The following MTMR14 variants were observed in gnomAD, a reference collection of about 807,000 sequenced individuals.
The protein encoded by MTMR14 is myotubularin related protein 14.
Under a neutral mutation model 86.3 loss-of-function variants are expected in MTMR14, and 48 were observed. The observed-to-expected ratio is 0.56, with a 90% CI of 0.44 to 0.71. The LOEUF (loss-of-function observed/expected upper bound fraction) is 0.71, where lower values mean the gene tolerates loss of function less well. Among genes scored for constraint, MTMR14 ranks in the 30% least tolerant of loss-of-function variants. The pLI is 0.00. For missense variants in MTMR14, 780 were observed against 834.6 expected (o/e 0.93, Z 0.81); for synonymous variants, 366 against 326.1 (o/e 1.12, Z -1.32).
At chr3:9,658,592 G>A (rs1010647440) in intron 2 of MTMR14, among the ~76,000 whole-genome samples, 1 of 152,260 alleles carries the variant, frequency 6.6e-6, no homozygotes, top group African/African-American at 2.4e-5. Flanking sequence ...CATGGGCCCA[G>A]TGGCTACCCA....
chr3:9,700,960 AG>A (rs1451672651), intron 18 of MTMR14: 2 of 152,184 alleles, frequency 1.3e-5, no homozygotes, highest in Non-Finnish European at 2.9e-5. Context: ...CTGGGATTAC[AG>A]GCATATGCCA....
chr3:9,659,578 G>A, intron 2 of MTMR14: 1 of 383,352 alleles, frequency 2.6e-6, no homozygotes, highest in Non-Finnish European at 5.2e-6. Flanking sequence ...CGAGTAGCTG[G>A]GATTAGAGGC....
intron 7 of MTMR14, 66 bp downstream of exon 7, chr3:9,672,824 C>T: frequency 1.4e-6 from 2 of 1,464,592 alleles, no homozygotes; most frequent in Non-Finnish European, 1.9e-6. Flanking sequence ...TGAGCAAGCC[C>T]TCTCTACTTA....
chr3:9,684,346 T>A (rs2075866160), intron 10 of MTMR14, among the ~76,000 whole-genome samples: 1 of 152,132 alleles, frequency 6.6e-6, no homozygotes, highest in African/African-American at 2.4e-5. Flanking sequence ...GGCTGCACTG[T>A]GTCCCCAGAA....
chr3:9,663,689 A>G (rs1299940620), intron 3 of MTMR14, among the ~76,000 whole-genome samples: 2 of 136,804 alleles, frequency 1.5e-5, no homozygotes, highest in Admixed American at 7.5e-5. Context: ...AATTTTTTGC[A>G]TTTTCAGTAG....
Position 9,687,879 on chromosome 3 carries a change from T to C in MTMR14, c.1223T>C (p.Leu408Pro). 2 of 1,588,552 alleles carry C rather than the reference T, an allele frequency of 1.3e-6. No individual in the cohort carries two copies. The highest frequency in any genetic ancestry group is 2.3e-5 in the South Asian group (2 of 87,954). ...KHITSEEFSALKTQRRKSLPA... is the reference protein window; with the variant it reads ...KHITSEEFSAPKTQRRKSLPA... ...ATTACCTCCGAGGAGTTCTCTGCTC[T>C]GAAGACCCAGAGGTAAGTGGAGGCC... The change falls in exon 14 of 19, where the codon CTG becomes CCG. Residue 408 changes from leucine (L) to proline (P), a missense_variant. Physicochemically the swap from Leu to Pro is moderately conservative, Grantham distance 98. Transcript: ENST00000296003.
intron 6 of MTMR14, among the ~76,000 whole-genome samples, chr3:9,671,664 T>C (rs1201692097): frequency 6.6e-6 from 1 of 151,522 alleles, no homozygotes; most frequent in Non-Finnish European, 1.5e-5. Context: ...AGAATTTCTT[T>C]TAAAATTGAA....
intron 9 of MTMR14, among the ~76,000 whole-genome samples, chr3:9,682,242 A>T (rs1263570499): frequency 6.6e-6 from 1 of 151,994 alleles, no homozygotes; most frequent in Non-Finnish European, 1.5e-5. Flanking sequence ...GTGGGTCAGA[A>T]CTCTCCAGGG....
chr3:9,677,210 TGGC>T lies in MTMR14; in HGVS notation c.752-103_752-101del. 2.1e-6 allele frequency: 2 copies of T among 945,712 alleles called. No homozygotes were observed. The highest frequency in any genetic ancestry group is 4.9e-5 in the East Asian group (2 of 41,098). The allele number at this position is 945,712 out of a possible 1,614,324, so 58.6% of individuals were successfully genotyped here. A position where few individuals can be genotyped will look rare whatever the true frequency, so the allele number is the denominator to read the frequency against. On this transcript the variant is annotated intron_variant, in intron 7 of 18. Transcript: ENST00000296003. This position sits in a 1 kb window ranked among gnomAD's most constrained non-coding sequence, Gnocchi z 4.2. ...GCCACTAGCTTGGAGAAGTGTGAGTTGGCGGCCCCCTCTCCACAGCACTCAGGG... is the reference window on the plus strand; with the variant it reads ...GCCACTAGCTTGGAGAAGTGTGAGTTGGCCCCCTCTCCACAGCACTCAGGG...
intron 3 of MTMR14, among the ~76,000 whole-genome samples, chr3:9,666,735 G>A (rs2125091152): frequency 6.6e-6 from 1 of 152,318 alleles, no homozygotes; most frequent in East Asian, 1.9e-4. Context: ...GCAGAGGTCA[G>A]AGGTTACTAA....
intron 3 of MTMR14, among the ~76,000 whole-genome samples, chr3:9,667,119 A>G (rs1028278169): frequency 8.5e-5 from 13 of 152,248 alleles, no homozygotes; most frequent in Admixed American, 8.5e-4. Context: ...CTCAACAGCC[A>G]AAAAGAAGGC....
At chr3:9,659,305 C>CAGA (rs1211472747) in intron 2 of MTMR14, among the ~76,000 whole-genome samples, 1 of 152,198 alleles carries the variant, frequency 6.6e-6, no homozygotes, top group Non-Finnish European at 1.5e-5. Context: ...AATGTAAATA[C>CAGA]AGAAGCCTAC....
Position 9,659,444 on chromosome 3 carries a change from CTT to C in MTMR14, c.309-2807_309-2806del, listed in dbSNP as rs546901318. Reference sequence around the variant, plus strand: ...TGAGAGAACAGAAACTGAATTGGTTCTTTTTTTTTTTTTTTTTAAGACGGAGT... The same window carrying C: ...TGAGAGAACAGAAACTGAATTGGTTCTTTTTTTTTTTTTTTAAGACGGAGT... On this transcript the variant is annotated intron_variant, in intron 2 of 18. Coordinates refer to ENST00000296003, the MANE Select transcript of MTMR14 (RefSeq NM_001077525.3). 3.3e-3 allele frequency among the ~76,000 whole-genome samples: 452 copies of C among 138,972 alleles called. 5 individuals are homozygous for C. In the East Asian group the frequency reaches 0.033, roughly 10 times the overall value. 91.2% of individuals were successfully genotyped at this position (138,972 alleles called of 152,430 possible).
At chr3:9,687,558 TA>T (rs756707748) in intron 13 of MTMR14, among the ~76,000 whole-genome samples, 359 of 132,988 alleles carry the variant, frequency 2.7e-3, no homozygotes, top group Admixed American at 2.5e-3. Context: ...CTGTCTCAAA[TA>T]AAAAAAAAAA....
chr3:9,664,338 T>A (rs540846285), intron 3 of MTMR14, among the ~76,000 whole-genome samples: 43 of 151,584 alleles, frequency 2.8e-4, no homozygotes, highest in Admixed American at 2.6e-3. Context: ...AGGTCAGACA[T>A]GTGGCTCACG....
At chr3:9,655,078 C>A (rs992289541) in intron 2 of MTMR14, among the ~76,000 whole-genome samples, 18 of 152,120 alleles carry the variant, frequency 1.2e-4, no homozygotes, top group African/African-American at 4.1e-4. Flanking sequence ...TAAGCACTTA[C>A]TAAGATTATG....
chr3:9,684,020 T>G (rs888813571), intron 10 of MTMR14, among the ~76,000 whole-genome samples: 3 of 152,128 alleles, frequency 2.0e-5, no homozygotes, highest in Non-Finnish European at 4.4e-5. Flanking sequence ...GGAGGGAGAT[T>G]TGCCACAAAG....
intron 12 of MTMR14, 91 bp downstream of exon 12, chr3:9,685,055 A>G (rs1054798414): frequency 2.6e-5 from 39 of 1,499,618 alleles, no homozygotes; most frequent in Non-Finnish European, 3.1e-5. Context: ...GGCTGGAGGT[A>G]AGGATAATTC....
At chr3:9,675,393 A>G in intron 7 of MTMR14, 1 of 272,826 alleles carries the variant, frequency 3.7e-6, no homozygotes, top group Non-Finnish European at 7.5e-6. Flanking sequence ...CCAAGTCACG[A>G]GCTGCACTTT....
Sources: gnomAD v4.1 joint callset for allele counts (sites outside exome capture counted in the v4.1 genomes callset) on GRCh38, gnomAD v4.1.1 for gene constraint, Gnocchi (gnomAD v3.1) non-coding constraint, MANE v1.5 for transcripts, NCBI Gene and HGNC (gene_info 2026-07-23, HGNC 2026-07-21) for gene names.